The following MYO3A variants were observed in gnomAD, a reference collection of about 807,000 sequenced individuals.
MYO3A encodes the protein myosin IIIA.
In MYO3A, 180 loss-of-function variants were observed where a neutral mutation model predicts 192.7. The observed-to-expected ratio is 0.93, with a 90% CI of 0.83 to 1.06. MYO3A has a LOEUF of 1.06. Ranked by LOEUF, MYO3A falls within the 50% of genes least tolerant of loss-of-function variation. The pLI is 0.00. For missense variants in MYO3A, 1,896 were observed against 1,905.0 expected (o/e 1.00, Z 0.09); for synonymous variants, 628 against 645.3 (o/e 0.97, Z 0.41).
At chr10:25,959,007 C>T (rs1041441986) in intron 4 of MYO3A, among the ~76,000 whole-genome samples, 1 of 152,122 alleles carries the variant, frequency 6.6e-6, no homozygotes, top group East Asian at 1.9e-4. Context: ...GATTTTTGTA[C>T]GTAGATTTTG....
chr10:26,004,750 C>T (rs1044574849), intron 6 of MYO3A, among the ~76,000 whole-genome samples: 1 of 152,100 alleles, frequency 6.6e-6, no homozygotes, highest in Non-Finnish European at 1.5e-5. Flanking sequence ...AGATCTGGGA[C>T]AGTTTGAGCA....
intron 17 of MYO3A, among the ~76,000 whole-genome samples, chr10:26,097,621 G>A (rs1205073650): frequency 6.6e-6 from 1 of 151,792 alleles, no homozygotes; most frequent in Admixed American, 6.6e-5. Flanking sequence ...CCACATATGA[G>A]TGAGAACATG....
intron 4 of MYO3A, among the ~76,000 whole-genome samples, chr10:25,994,230 G>T (rs7921557): frequency 6.6e-6 from 1 of 150,884 alleles, no homozygotes; most frequent in Admixed American, 6.6e-5. Context: ...AGGATAGTTA[G>T]CTCTTCTTGT....
At chr10:26,009,594 T>G (rs1841489005) in intron 6 of MYO3A, among the ~76,000 whole-genome samples, 1 of 152,156 alleles carries the variant, frequency 6.6e-6, no homozygotes, top group Admixed American at 6.5e-5. Context: ...GTTTTTATGT[T>G]GCTATCAAGT....
chr10:26,161,098 T>G (rs944495433), intron 26 of MYO3A, among the ~76,000 whole-genome samples: 3 of 152,212 alleles, frequency 2.0e-5, no homozygotes, highest in Non-Finnish European at 4.4e-5. Flanking sequence ...GAATAGCTGT[T>G]CTGAATACAG....
intron 10 of MYO3A, among the ~76,000 whole-genome samples, chr10:26,036,976 A>T (rs1050852788): frequency 6.6e-6 from 1 of 152,230 alleles, no homozygotes; most frequent in Non-Finnish European, 1.5e-5. Flanking sequence ...TTTGTTCTTC[A>T]GTTAGACACA....
chr10:25,984,811 A>G (rs1380657001), intron 4 of MYO3A, among the ~76,000 whole-genome samples: 2 of 152,264 alleles, frequency 1.3e-5, no homozygotes, highest in Non-Finnish European at 2.9e-5. Flanking sequence ...TCATTGGTCA[A>G]CAATGAAATC....
chr10:25,983,164 A>C (rs1372562783), intron 4 of MYO3A, among the ~76,000 whole-genome samples: 1 of 152,116 alleles, frequency 6.6e-6, no homozygotes, highest in South Asian at 2.1e-4. Flanking sequence ...AATTCACTTG[A>C]AAGTCTCAGC....
At chr10:26,208,111 G>A (rs1844059000) in intron 34 of MYO3A, among the ~76,000 whole-genome samples, 1 of 152,010 alleles carries the variant, frequency 6.6e-6, no homozygotes, top group African/African-American at 2.4e-5. Flanking sequence ...GCTGGTGACA[G>A]GCAATCAGTG....
intron 27 of MYO3A, 78 bp downstream of exon 27, chr10:26,166,256 T>C: frequency 8.1e-7 from 1 of 1,227,690 alleles, no homozygotes; most frequent in Non-Finnish European, 1.2e-6. Flanking sequence ...TTACAATGTT[T>C]GAAAGTATGG....
At chr10:26,140,684 C>G (rs866296575) in intron 20 of MYO3A, among the ~76,000 whole-genome samples, 1 of 68,824 alleles carries the variant, frequency 1.5e-5, no homozygotes, top group Admixed American at 1.7e-4. Context: ...GACTCTGTCT[C>G]AAAAAAAAAA....
At chr10:25,988,035 A>G (rs1466668203) in intron 4 of MYO3A, among the ~76,000 whole-genome samples, 1 of 152,224 alleles carries the variant, frequency 6.6e-6, no homozygotes, top group Non-Finnish European at 1.5e-5. Flanking sequence ...AAGGGAATGA[A>G]ATAATGGCAT....
intron 20 of MYO3A, among the ~76,000 whole-genome samples, chr10:26,140,057 T>A (rs2131826752): frequency 6.6e-6 from 1 of 152,228 alleles, no homozygotes; most frequent in South Asian, 2.1e-4. Flanking sequence ...GAAGGGAAAT[T>A]GCTGAATTAG....
intron 32 of MYO3A, among the ~76,000 whole-genome samples, chr10:26,197,393 G>A (rs1843464973): frequency 1.3e-5 from 2 of 152,266 alleles, no homozygotes; most frequent in South Asian, 4.1e-4. Context: ...AGAAGGGTTA[G>A]TTTCTATGTT....
intron 17 of MYO3A, among the ~76,000 whole-genome samples, chr10:26,112,191 T>G (rs1315835017): frequency 6.6e-6 from 1 of 152,232 alleles, no homozygotes; most frequent in African/African-American, 2.4e-5. Flanking sequence ...TATTCAATGC[T>G]TATTGAACAT....
chr10:26,010,683 C>T (rs1013890156), intron 6 of MYO3A, among the ~76,000 whole-genome samples: 51 of 152,130 alleles, frequency 3.4e-4, no homozygotes, highest in African/African-American at 1.2e-3. Context: ...AGGCTGGTCT[C>T]GAACTCCTGA....
chr10:26,114,288 C>A (rs928328991), intron 17 of MYO3A, among the ~76,000 whole-genome samples: 3 of 152,176 alleles, frequency 2.0e-5, no homozygotes, highest in Non-Finnish European at 2.9e-5. Flanking sequence ...ACATGGGCAT[C>A]AGTTAGGCAT....
intron 4 of MYO3A, among the ~76,000 whole-genome samples, chr10:25,995,889 C>T (rs973935367): frequency 1.3e-5 from 2 of 152,196 alleles, no homozygotes; most frequent in African/African-American, 4.8e-5. Flanking sequence ...GGTACCCGGC[C>T]CTGTGAGGTG....
chr10:26,204,066 T>G (rs1400611248), intron 34 of MYO3A: 1 of 152,196 alleles, frequency 6.6e-6, no homozygotes, highest in Non-Finnish European at 1.5e-5. Context: ...GCTATTATCA[T>G]CTTTATTTGC....
Sources: gnomAD v4.1 joint callset for allele counts (sites outside exome capture counted in the v4.1 genomes callset) on GRCh38, gnomAD v4.1.1 for gene constraint, MANE v1.5 for transcripts, NCBI Gene and HGNC (gene_info 2026-07-23, HGNC 2026-07-21) for gene names.